The following CDC42BPG variants were observed in gnomAD, a reference collection of about 807,000 sequenced individuals.
CDC42BPG encodes CDC42 binding protein kinase gamma, also known as serine/threonine-protein kinase MRCK gamma.
A neutral mutation model predicts 192.2 loss-of-function variants in CDC42BPG; 157 were observed. The observed-to-expected ratio is 0.82, with a 90% CI of 0.72 to 0.93. The LOEUF is 0.93. Ranked by LOEUF, CDC42BPG falls within the 40% of genes least tolerant of loss-of-function variation. The pLI is 0.00. For synonymous variants in CDC42BPG, 981 were observed against 918.5 expected (o/e 1.07, Z -1.23); for missense variants, 1,992 against 2,122.1 (o/e 0.94, Z 1.20).
intron 24 of CDC42BPG, 98 bp from the exon 25 acceptor site, chr11:64,833,057 CG>C: frequency 7.1e-7 from 1 of 1,406,568 alleles, no homozygotes; most frequent in Non-Finnish European, 9.5e-7. Flanking sequence ...CCTGAAGCCA[CG>C]GTGGCACCCG....
At position 64,830,225 on chromosome 11, in the gene CDC42BPG, C is replaced by T; in HGVS notation, c.3336G>A (p.Glu1112=). ...DQDRLALGTE[E]GLFVIHLRSN... The stretch of plus-strand genomic sequence containing the variant: ...TGCGCAGATGGATGACAAAGAGCCC[C>T]TCCTCGGTGCCAAGCGCAAGTCGAT... The change falls in exon 29 of 37, where the codon GAG becomes GAA. Residue 1112 remains glutamate (E), a synonymous_variant. Transcript: ENST00000342711. 1.2e-6 allele frequency: 2 copies of T among 1,612,890 alleles called. No homozygotes were observed. Among genetic ancestry groups the T allele is most frequent in the Non-Finnish European group, 1.7e-6 (2 of 1,179,464 alleles).
chr11:64,825,478 T>TG (rs769178159), intron 36 of CDC42BPG, among the ~76,000 whole-genome samples: 10 of 152,028 alleles, frequency 6.6e-5, no homozygotes, highest in Non-Finnish European at 1.5e-4. Context: ...ATGATCCTGG[T>TG]GGGTCACCTG....
Position 64,834,912 on chromosome 11 carries a change from C to A in CDC42BPG, c.2112G>T (p.Lys704Asn). 1 of 1,614,150 alleles carries A rather than the reference C, an allele frequency of 6.2e-7. No individual in the cohort carries two copies. ...TCAAGGACTCCAGCTCCTCTGCCAT[C>A]TTGGTGGCCAGGGCCTGCAGGTAGC... is the stretch of plus-strand genomic sequence containing the variant. Reference protein sequence around the residue: ...SRGYLQALATKMAEELESLRN... With the variant: ...SRGYLQALATNMAEELESLRN... The change falls in exon 18 of 37, where the codon AAG becomes AAT. Residue 704 changes from lysine to asparagine, a missense_variant. By Grantham distance (94) the Lys-to-Asn change is moderately conservative (BLOSUM62 0). This residue lies in a region of CDC42BPG where 1,656 missense variants were observed against 1,844.3 expected (regional missense o/e 0.90). Transcript: ENST00000342711.
intron 27 of CDC42BPG, 115 bp from the exon 28 acceptor site, chr11:64,831,836 G>A: frequency 1.1e-6 from 1 of 903,358 alleles, no homozygotes; most frequent in South Asian, 1.6e-5. Context: ...GTCAGCAGCA[G>A]GGAGTAGGCC....
chr11:64,835,401 C>G lies in CDC42BPG; in HGVS notation c.1899G>C (p.Glu633Asp). 6.2e-7 allele frequency: 1 copy of G among 1,613,880 alleles called. No homozygotes were observed. The highest frequency in any genetic ancestry group is 8.5e-7 in the Non-Finnish European group (1 of 1,180,020). Reference sequence around the variant, plus strand: ...TTTCCTCCTGCAGCTGGCACAGAGCCTCCTCCTTACCACTCGGCCTGGGGA... The same window carrying G: ...TTTCCTCCTGCAGCTGGCACAGAGCGTCCTCCTTACCACTCGGCCTGGGGA... ...AHSHRPSGKEEALCQLQEENR... is the reference protein window; with the variant it reads ...AHSHRPSGKEDALCQLQEENR... The change falls in exon 16 of 37, where the codon GAG (glutamate) becomes GAC (aspartate). Residue 633 changes from glutamate to aspartate, a missense_variant. By Grantham distance (45) the Glu-to-Asp change is conservative. This residue lies in a region of CDC42BPG where 1,656 missense variants were observed against 1,844.3 expected (regional missense o/e 0.90). Coordinates refer to ENST00000342711, the MANE Select transcript of CDC42BPG (RefSeq NM_017525.3).
At chr11:64,835,002 C>A (rs751757791) in intron 17 of CDC42BPG, 39 bp from the exon 18 acceptor site, 2 of 1,612,154 alleles carry the variant, frequency 1.2e-6, no homozygotes, top group South Asian at 2.2e-5. Flanking sequence ...GCTGGGCCCT[C>A]AGTCTCGCCT....
In CDC42BPG at chr11:64,838,542, G is replaced by A. The variant is rs116512194; in HGVS notation, c.1125+112C>T. ...TGGGAGTCCATAAATCATAAGCCCC[G>A]GTGTCTGAAGGCCTCACCCCCAGCC... On this transcript the variant is annotated intron_variant, in intron 8 of 36. Transcript: ENST00000342711. The A allele has an allele frequency of 5.7e-4, 781 of 1,372,272 alleles. 6 individuals are homozygous for A. In the African/African-American group the frequency reaches 8.7e-3, roughly 15 times the overall value. The allele number at this position is 1,372,272 out of a possible 1,614,324, so 85.0% of individuals were successfully genotyped here. A position where few individuals can be genotyped will look rare whatever the true frequency, so the allele number is the denominator to read the frequency against.
At position 64,836,011 on chromosome 11, in the gene CDC42BPG, C is replaced by T. The variant is rs990761964; in HGVS notation, c.1668+106G>A. 7.2e-6 allele frequency: 10 copies of T among 1,389,580 alleles called. No homozygotes were observed. The African/African-American group carries it at 1.3e-4, about 18-fold the overall frequency. 86.1% of individuals were successfully genotyped at this position (1,389,580 alleles called of 1,614,324 possible). On this transcript the variant is annotated intron_variant, in intron 13 of 36. Coordinates refer to ENST00000342711, the MANE Select transcript of CDC42BPG (RefSeq NM_017525.3). The stretch of plus-strand genomic sequence containing the variant: ...CCACCATCCCCTGGCCTAGCCTCTG[C>T]CAGCTACAACCGGGAGGCAGCATCT...
At chr11:64,837,662 A>T (rs1253664668) in intron 9 of CDC42BPG, among the ~76,000 whole-genome samples, 2 of 151,996 alleles carry the variant, frequency 1.3e-5, no homozygotes, top group African/African-American at 4.8e-5. Context: ...GGGTTTCACT[A>T]TGTTGGCCAG....
In CDC42BPG at chr11:64,831,488, C is replaced by T. The variant is rs778683239; in HGVS notation, c.3304+17G>A. ...GCAGGCCTGAACTGCTTCCTCCAGT[C>T]CCCTCCACCAGCTCACCGAGGATGG... On this transcript the variant is annotated intron_variant, in intron 28 of 36. Coordinates refer to ENST00000342711, the MANE Select transcript of CDC42BPG (RefSeq NM_017525.3). 8.1e-6 allele frequency: 13 copies of T among 1,599,242 alleles called. No individual in the cohort carries two copies. The Admixed American group carries it at 2.2e-4, about 27-fold the overall frequency.
chr11:64,841,963 C>T, intron 1 of CDC42BPG, 59 bp from the exon 2 acceptor site: 1 of 1,385,886 alleles, frequency 7.2e-7, no homozygotes, highest in South Asian at 1.2e-5. Flanking sequence ...TTCCCCCTCT[C>T]ACCTTGGGCA....
chr11:64,839,386 G>C, intron 6 of CDC42BPG, 92 bp downstream of exon 6: 1 of 1,492,676 alleles, frequency 6.7e-7, no homozygotes, highest in South Asian at 1.2e-5. Flanking sequence ...CGGGGGGCCT[G>C]ATGCCTCTGC....
At chr11:64,843,348 G>T (rs888666804) in intron 1 of CDC42BPG, among the ~76,000 whole-genome samples, 2 of 152,060 alleles carry the variant, frequency 1.3e-5, no homozygotes, top group Non-Finnish European at 2.9e-5. Flanking sequence ...TCATGGGGGG[G>T]GTGACAACAA....
rs767655576 is a variant in CDC42BPG, at chr11:64,826,918, A to G, written c.4390-124T>C. On this transcript the variant is annotated intron_variant, in intron 34 of 36. Transcript: ENST00000342711. The stretch of plus-strand genomic sequence containing the variant: ...CCCAGCCTGGTTTTACTTAAGTCCC[A>G]GGTAGCAGAAGTGTGAGTCCCAGGC... The G allele has an allele frequency of 1.8e-4, 215 of 1,220,882 alleles. 1 individual carries two copies. Among genetic ancestry groups the G allele is most frequent in the Non-Finnish European group, 2.3e-4 (204 of 871,580 alleles). 75.6% of individuals were successfully genotyped at this position (1,220,882 alleles called of 1,614,324 possible).
chr11:64,838,016 C>T lies in CDC42BPG; in HGVS notation c.1205+67G>A, dbSNP rs745813318. The T allele has an allele frequency of 5.3e-4, 711 of 1,350,450 alleles. 1 individual carries two copies. The highest frequency in any genetic ancestry group is 6.7e-4 in the Non-Finnish European group (648 of 965,860). The allele number at this position is 1,350,450 out of a possible 1,614,324, so 83.7% of individuals were successfully genotyped here. A position where few individuals can be genotyped will look rare whatever the true frequency, so the allele number is the denominator to read the frequency against. ...TCCTTCCCAGGGCCCCAGTGGGCTA[C>T]GCGCCCAGTGTCCTCCAGGTCAGGC... On this transcript the variant is annotated intron_variant, in intron 9 of 36. Transcript: ENST00000342711.
At chr11:64,836,340 T>C (rs1225458064) in intron 12 of CDC42BPG, 44 bp from the exon 13 acceptor site, 1 of 1,607,414 alleles carries the variant, frequency 6.2e-7, no homozygotes, top group Admixed American at 1.7e-5. Context: ...AGGCCCAGAG[T>C]CAGGCACGAA....
rs1186053696 is a variant in CDC42BPG, at chr11:64,833,608, G to A, written c.2617C>T (p.Pro873Ser). ...CCCCTCTGGGCACTGACCTTAGCAG[G>A]AAGACCTTCTGTAGAGGCTGTGTTG... Reference protein sequence around the residue: ...TANTASTEGLPAKPGSHTLRP... With the variant: ...TANTASTEGLSAKPGSHTLRP... Residue 873 changes from proline (P) to serine (S), a missense_variant, in exon 23 of 37, where the codon CCT becomes TCT. Physicochemically the swap from Pro to Ser is moderately conservative, Grantham distance 74. Transcript: ENST00000342711. 6.2e-7 allele frequency: 1 copy of A among 1,610,478 alleles called. No homozygotes were observed. The highest frequency in any genetic ancestry group is 1.7e-5 in the Admixed American group (1 of 59,384).
At chr11:64,826,238 C>G (rs938622328) in intron 36 of CDC42BPG, among the ~76,000 whole-genome samples, 1 of 152,188 alleles carries the variant, frequency 6.6e-6, no homozygotes, top group Non-Finnish European at 1.5e-5. Flanking sequence ...TTGCCCAGAG[C>G]CACACAGCTG....
chr11:64,834,223 C>T (rs371688175), intron 20 of CDC42BPG, 43 bp downstream of exon 20: 26 of 1,524,588 alleles, frequency 1.7e-5, no homozygotes, highest in Middle Eastern at 2.3e-4. Context: ...TGGGAGGCCG[C>T]GGGGGAGCCT....
Sources: gnomAD v4.1 joint callset for allele counts (sites outside exome capture counted in the v4.1 genomes callset) on GRCh38, gnomAD v4.1.1 for gene constraint, gnomAD v4.1.1 regional missense constraint, MANE v1.5 for transcripts, NCBI Gene and HGNC (gene_info 2026-07-23, HGNC 2026-07-21) for gene names.